SLC25A17: variants seen among roughly 807,000 people sequenced by gnomAD.
SLC25A17 encodes the protein solute carrier family 25 member 17.
A neutral mutation model predicts 38.5 loss-of-function variants in SLC25A17; 26 were observed. The observed-to-expected ratio is 0.68, with a 90% confidence interval of 0.50 to 0.94. The LOEUF (loss-of-function observed/expected upper bound fraction) is 0.94, where lower values mean the gene tolerates loss of function less well. SLC25A17 is among the 40% of genes least tolerant of loss of function. The pLI is 0.00. For synonymous variants in SLC25A17, 139 were observed against 136.2 expected (o/e 1.02, Z -0.14); for missense variants, 333 against 372.7 (o/e 0.89, Z 0.88).
intron 1 of SLC25A17, among the ~76,000 whole-genome samples, chr22:40,810,088 A>G (rs972065775): frequency 1.3e-5 from 2 of 152,094 alleles, no homozygotes; most frequent in African/African-American, 4.8e-5. Flanking sequence ...TCCTGGTAAA[A>G]TTCTTGTAAT....
intron 5 of SLC25A17, among the ~76,000 whole-genome samples, 190 bp downstream of exon 5, chr22:40,778,819 T>A (rs552097028): frequency 2.2e-4 from 33 of 152,158 alleles, no homozygotes; most frequent in Non-Finnish European, 3.7e-4. Context: ...ATTTTTACAA[T>A]CTACCCATCT....
At chr22:40,781,118 C>T (rs2057290043) in intron 4 of SLC25A17, among the ~76,000 whole-genome samples, 2 of 151,986 alleles carry the variant, frequency 1.3e-5, no homozygotes, top group South Asian at 4.1e-4. Flanking sequence ...CTGCAGTGAG[C>T]TGTGATCATG....
At chr22:40,805,297 G>A (rs1182869376) in intron 1 of SLC25A17, among the ~76,000 whole-genome samples, 2 of 152,230 alleles carry the variant, frequency 1.3e-5, no homozygotes, top group African/African-American at 2.4e-5. Flanking sequence ...AGGTTGCAGT[G>A]AGCCAAGTTC....
chr22:40,771,314 G>A (rs959619921), intron 8 of SLC25A17, among the ~76,000 whole-genome samples: 1 of 152,124 alleles, frequency 6.6e-6, no homozygotes, highest in African/African-American at 2.4e-5. Flanking sequence ...GTTTCACCAT[G>A]TTAGCCAGGA....
chr22:40,819,116 T>C, intron 1 of SLC25A17, 79 bp downstream of exon 1: 1 of 1,472,748 alleles, frequency 6.8e-7, no homozygotes, highest in Non-Finnish European at 9.4e-7. Context: ...CTCAGACCCA[T>C]CCCTCAGGCA....
intron 8 of SLC25A17, among the ~76,000 whole-genome samples, chr22:40,772,267 A>G (rs1388916392): frequency 6.6e-6 from 1 of 152,172 alleles, no homozygotes; most frequent in African/African-American, 2.4e-5. Context: ...TGATATAGTG[A>G]GTATTTATTT....
At chr22:40,775,488 G>A (rs1403091689) in intron 7 of SLC25A17, among the ~76,000 whole-genome samples, 5 of 120,614 alleles carry the variant, frequency 4.1e-5, no homozygotes, top group African/African-American at 1.6e-4. Flanking sequence ...ACGGAGTCTC[G>A]CTCTGTCGCC....
chr22:40,814,790 T>TATATATATATA (rs56313372), intron 1 of SLC25A17, among the ~76,000 whole-genome samples: 19 of 118,954 alleles, frequency 1.6e-4, no homozygotes, highest in Non-Finnish European at 2.1e-4. Context: ...TATATATATA[T>TATATATATATA]TGTTGTTGTT....
At chr22:40,812,470 A>G (rs1241943226) in intron 1 of SLC25A17, among the ~76,000 whole-genome samples, 2 of 152,190 alleles carry the variant, frequency 1.3e-5, no homozygotes, top group Non-Finnish European at 2.9e-5. Flanking sequence ...GCATATTTTC[A>G]TGCCTTTTAA....
intron 4 of SLC25A17, among the ~76,000 whole-genome samples, chr22:40,788,623 A>T (rs572425027): frequency 3.5e-4 from 53 of 152,312 alleles, no homozygotes; most frequent in African/African-American, 1.3e-3. Flanking sequence ...CCTGGGAGGC[A>T]GAGGTCACAG....
rs922609050 is a variant in SLC25A17, at chr22:40,770,283, T to G, written c.*551A>C. ...AACAATTTTCATTTCACAAAATAAATAGCTCATATCCAAAAAAGACACCTC... is the reference window on the plus strand; with the variant it reads ...AACAATTTTCATTTCACAAAATAAAGAGCTCATATCCAAAAAAGACACCTC... On this transcript the variant is annotated 3_prime_UTR_variant, in exon 9 of 9. Coordinates refer to ENST00000435456, the MANE Select transcript of SLC25A17 (RefSeq NM_006358.4). 1 of 151,992 alleles carries G rather than the reference T, an allele frequency of 6.6e-6. No homozygotes were observed. The highest frequency in any genetic ancestry group is 2.4e-5 in the African/African-American group (1 of 41,394). 9.4% of individuals were successfully genotyped at this position (151,992 alleles called of 1,614,324 possible). A position where few individuals can be genotyped will look rare whatever the true frequency, so the allele number is the denominator to read the frequency against.
At chr22:40,817,871 A>G (rs947251036) in intron 1 of SLC25A17, among the ~76,000 whole-genome samples, 2 of 152,222 alleles carry the variant, frequency 1.3e-5, no homozygotes, top group African/African-American at 2.4e-5. Context: ...CTCCATGCCC[A>G]TCTTAAAGCA....
At chr22:40,819,135 G>C (rs1403987131) in intron 1 of SLC25A17, 60 bp downstream of exon 1, 1 of 1,575,234 alleles carries the variant, frequency 6.3e-7, no homozygotes, top group Non-Finnish European at 8.7e-7. Context: ...CATATCCCGG[G>C]ACTGGCCCCC....
intron 1 of SLC25A17, among the ~76,000 whole-genome samples, chr22:40,812,636 C>T (rs956966923): frequency 1.3e-5 from 2 of 152,140 alleles, no homozygotes; most frequent in Non-Finnish European, 2.9e-5. Flanking sequence ...GGGGTCCCGA[C>T]GTGGCTGAGT....
intron 4 of SLC25A17, among the ~76,000 whole-genome samples, chr22:40,782,863 G>T (rs2057306934): frequency 6.6e-6 from 1 of 152,100 alleles, no homozygotes; most frequent in Non-Finnish European, 1.5e-5. Flanking sequence ...ATCTGTTAAG[G>T]TTCTGTTCCC....
chr22:40,786,179 T>C (rs1208253495), intron 4 of SLC25A17, among the ~76,000 whole-genome samples: 1 of 151,952 alleles, frequency 6.6e-6, no homozygotes, highest in African/African-American at 2.4e-5. Context: ...GGCATGGTGG[T>C]GTGTGCTTGT....
intron 8 of SLC25A17, among the ~76,000 whole-genome samples, chr22:40,771,367 C>T (rs1226683135): frequency 2.0e-5 from 3 of 152,188 alleles, no homozygotes; most frequent in African/African-American, 7.2e-5. Context: ...GCCTCAGCCT[C>T]CCAAAGTGCT....
intron 4 of SLC25A17, 120 bp from the exon 5 acceptor site, chr22:40,779,245 C>G: frequency 6.5e-7 from 1 of 1,550,182 alleles, no homozygotes; most frequent in South Asian, 1.2e-5. Flanking sequence ...CTTAGGAGAC[C>G]TAAGGTAAGG....
chr22:40,807,676 G>A (rs1337046738), intron 1 of SLC25A17, among the ~76,000 whole-genome samples: 1 of 152,128 alleles, frequency 6.6e-6, no homozygotes, highest in African/African-American at 2.4e-5. Flanking sequence ...ATGAACCCGG[G>A]AGGCGGAACT....
Sources: allele counts gnomAD v4.1 joint callset (sites outside exome capture counted in the v4.1 genomes callset), GRCh38; gene constraint gnomAD v4.1.1; transcripts MANE v1.5; gene names NCBI Gene and HGNC (gene_info 2026-07-23, HGNC 2026-07-21).